HERC2: variants seen among roughly 807,000 people sequenced by gnomAD.
HERC2 encodes E3 ubiquitin-protein ligase HERC2.
Under a neutral mutation model 537.7 loss-of-function variants are expected in HERC2, and 102 were observed. The ratio of observed to expected loss-of-function variants is 0.19; its 90% CI spans 0.16 to 0.22. The LOEUF is 0.22. Ranked by LOEUF, HERC2 falls within the 10% of genes least tolerant of loss-of-function variation. The probability of loss-of-function intolerance (pLI) is 1.00; values close to 1 mark genes in which losing one functional copy is unlikely to be tolerated. For missense variants in HERC2, 4,236 were observed against 6,198.2 expected, an observed-to-expected ratio of 0.68 and a Z score of 10.63; for synonymous variants, 2,224 against 2,466.2, an observed-to-expected ratio of 0.90 and a Z score of 2.91.
Position 28,268,541 on chromosome 15 carries a change from G to A in HERC2, c.1522C>T (p.Leu508=). Residue 508 remains leucine, a synonymous_variant, in exon 12 of 93, where the codon CTA becomes TTA. Coordinates refer to ENST00000261609, the MANE Select transcript of HERC2 (RefSeq NM_004667.6). This position sits in a 1 kb window ranked among gnomAD's most constrained non-coding sequence, Gnocchi z 4.7. ...IAAHSDGHHY[L]ALAATGEVYS... Reference sequence around the variant, plus strand: ...ACCTCTCCAGTAGCAGCCAAGGCTAGGTAGTGGTGACCATCAGAATGGGCA... The same window carrying A: ...ACCTCTCCAGTAGCAGCCAAGGCTAAGTAGTGGTGACCATCAGAATGGGCA... 2 of 1,614,140 alleles carry A rather than the reference G, an allele frequency of 1.2e-6. No individual in the cohort carries two copies. Among genetic ancestry groups the A allele is most frequent in the Non-Finnish European group, 1.7e-6 (2 of 1,179,946 alleles).
chr15:28,196,161 A>C, intron 52 of HERC2, 54 bp downstream of exon 52: 1 of 1,344,704 alleles, frequency 7.4e-7, no homozygotes, highest in Non-Finnish European at 1.0e-6. Flanking sequence ...GTGGTCCACA[A>C]TAAGTATTTC....
chr15:28,134,097 T>G (rs1405384608), intron 79 of HERC2, among the ~76,000 whole-genome samples: 1 of 152,230 alleles, frequency 6.6e-6, no homozygotes, highest in Admixed American at 6.5e-5. Context: ...TTCTGCTCCA[T>G]GAACACAGCA....
intron 70 of HERC2, among the ~76,000 whole-genome samples, chr15:28,150,712 C>T (rs751024497): frequency 4.6e-5 from 7 of 151,026 alleles, no homozygotes; most frequent in South Asian, 2.1e-4. Flanking sequence ...AAAAAACACA[C>T]GCGGCTTCTA....
chr15:28,223,771 A>G (rs1398445040), intron 35 of HERC2, among the ~76,000 whole-genome samples: 1 of 152,168 alleles, frequency 6.6e-6, no homozygotes, highest in African/African-American at 2.4e-5. Context: ...CAAGAAGGAT[A>G]CCCTGATCAG....
chr15:28,113,825 T>C lies in HERC2; in HGVS notation c.13914-147A>G. ...CAGCTCCAGATGGCATGAGCATGCT[T>C]AGCAGCTCGGCACTGCAGAGCTTCT... On this transcript the variant is annotated intron_variant, in intron 90 of 92. Transcript: ENST00000261609. This position sits in a 1 kb window ranked among gnomAD's most constrained non-coding sequence, Gnocchi z 7.0. 1.5e-6 allele frequency: 1 copy of C among 671,864 alleles called. No homozygotes were observed. Among genetic ancestry groups the C allele is most frequent in the Non-Finnish European group, 2.7e-6 (1 of 374,668 alleles). 41.6% of individuals were successfully genotyped at this position (671,864 alleles called of 1,614,324 possible).
chr15:28,182,279 G>A, intron 57 of HERC2, 122 bp downstream of exon 57: 2 of 579,142 alleles, frequency 3.5e-6, no homozygotes, highest in Non-Finnish European at 3.0e-6. Flanking sequence ...ATTTGATAAT[G>A]TCTTTTAGTT....
chr15:28,152,113 G>A (rs1202875135), intron 70 of HERC2, among the ~76,000 whole-genome samples: 3 of 152,166 alleles, frequency 2.0e-5, no homozygotes, highest in African/African-American at 7.2e-5. Context: ...CAAAAGGGGC[G>A]GAACTTATGG....
intron 78 of HERC2, among the ~76,000 whole-genome samples, chr15:28,138,788 TG>T (rs1890904697): frequency 6.6e-6 from 1 of 152,252 alleles, no homozygotes; most frequent in South Asian, 2.1e-4. Context: ...AGGCTATAGC[TG>T]CCATAGACAG....
In HERC2 at chr15:28,321,440, TC is replaced by T; in HGVS notation, c.-8del. 9.9e-7 allele frequency: 1 copy of T among 1,014,000 alleles called. No individual in the cohort carries two copies. The highest frequency in any genetic ancestry group is 1.5e-6 in the Non-Finnish European group (1 of 656,278). 62.8% of individuals were successfully genotyped at this position (1,014,000 alleles called of 1,614,324 possible). On this transcript the variant is annotated 5_prime_UTR_variant, in exon 2 of 93. Transcript: ENST00000261609. ...AGAAAGATTCAGAGGGCATCTTTTC[TC>T]CAGCTTCCTCCCAGGTCTCAGGCCT...
At position 28,167,672 on chromosome 15, in the gene HERC2, A is replaced by C. The variant is rs1449050810; in HGVS notation, c.10554+15T>G. The C allele has an allele frequency of 2.5e-6, 4 of 1,613,724 alleles. No homozygotes were observed. The highest frequency in any genetic ancestry group is 3.4e-6 in the Non-Finnish European group (4 of 1,179,822). On this transcript the variant is annotated intron_variant, in intron 68 of 92. Transcript: ENST00000261609. ...TTATTTCACAATACAAAGTTAAAGA[A>C]GAACGCCTCTTCACCTCTTTGGTTT... is the stretch of plus-strand genomic sequence containing the variant.
intron 4 of HERC2, among the ~76,000 whole-genome samples, chr15:28,291,691 T>C (rs777468237): frequency 3.2e-4 from 48 of 151,826 alleles, no homozygotes; most frequent in Admixed American, 5.3e-4. Context: ...GAAGAGATTA[T>C]GAAAGTCCAT....
At chr15:28,215,241 C>T (rs1899768189) in intron 39 of HERC2, among the ~76,000 whole-genome samples, 1 of 152,146 alleles carries the variant, frequency 6.6e-6, no homozygotes, top group African/African-American at 2.4e-5. Flanking sequence ...CATTATTTTA[C>T]AGCCAGGTAA....
Position 28,114,671 on chromosome 15 carries a change from C to T in HERC2, c.13854G>A (p.Lys4618=). 6 of 1,614,124 alleles carry T rather than the reference C, an allele frequency of 3.7e-6. No individual in the cohort carries two copies. Among genetic ancestry groups the T allele is most frequent in the Non-Finnish European group, 5.1e-6 (6 of 1,180,032 alleles). The change falls in exon 90 of 93, where the codon AAG becomes AAA. Residue 4618 remains lysine, a synonymous_variant. Transcript: ENST00000261609. ...GGTTGTCCAGGGTGATGTGTGTGTG[C>T]TTGGAGCTCAACTGAATGTCCTGGC... The part of the protein sequence containing the change: ...ASGQDIQLSS[K]HTHITLDNRA...
In HERC2 at chr15:28,178,968, T is replaced by C; in HGVS notation, c.9082A>G (p.Ile3028Val). Residue 3028 changes from isoleucine (I) to valine (V), a missense_variant, in exon 59 of 93, where the codon ATT becomes GTT. By Grantham distance (29) the Ile-to-Val change is conservative (BLOSUM62 3). Around this residue, in one of 27 missense-constraint regions of HERC2, gnomAD observed 606 missense variants for 884.5 expected, o/e 0.69. Coordinates refer to ENST00000261609, the MANE Select transcript of HERC2 (RefSeq NM_004667.6). ...GGGATGGGCACCGTCCCGCTGGAAA[T>C]GCCCAGCCCCAGCCGGCCATTCGTG... ...EATNGRLGLG[I>V]SSGTVPIPRQ... 2 of 1,614,222 alleles carry C rather than the reference T, an allele frequency of 1.2e-6. No homozygotes were observed. Among genetic ancestry groups the C allele is most frequent in the Non-Finnish European group, 1.7e-6 (2 of 1,180,034 alleles).
rs1043323538 is a variant in HERC2 at position 28,111,080 on chromosome 15, G to A, written c.*683C>T. 2.0e-5 allele frequency: 3 copies of A among 152,122 alleles called. No homozygotes were observed. 9.4% of individuals were successfully genotyped at this position (152,122 alleles called of 1,614,324 possible). A position where few individuals can be genotyped will look rare whatever the true frequency, so the allele number is the denominator to read the frequency against. On this transcript the variant is annotated 3_prime_UTR_variant, in exon 93 of 93. Transcript: ENST00000261609. Reference sequence around the variant, plus strand: ...TTTATTTATAGATAATTAAAATTTAGGCATATACATGACACAAACATTATA... The same window carrying A: ...TTTATTTATAGATAATTAAAATTTAAGCATATACATGACACAAACATTATA...
intron 4 of HERC2, among the ~76,000 whole-genome samples, chr15:28,292,370 G>C (rs1399247644): frequency 6.6e-6 from 1 of 152,006 alleles, no homozygotes; most frequent in Non-Finnish European, 1.5e-5. Flanking sequence ...AAAACAATGA[G>C]ATGCTGTACC....
chr15:28,251,999 T>C (rs2075099563), intron 20 of HERC2, among the ~76,000 whole-genome samples: 1 of 152,168 alleles, frequency 6.6e-6, no homozygotes, highest in African/African-American at 2.4e-5. Flanking sequence ...GCATTGAAAA[T>C]ATCTGATCTG....
At chr15:28,321,313 T>C in intron 2 of HERC2, 49 bp downstream of exon 2, 1 of 689,398 alleles carries the variant, frequency 1.5e-6, no homozygotes, top group East Asian at 2.5e-5. Flanking sequence ...ACGAGAAATT[T>C]AAACATGGAA....
At chr15:28,279,691 T>C (rs891537086) in intron 5 of HERC2, among the ~76,000 whole-genome samples, 1 of 151,770 alleles carries the variant, frequency 6.6e-6, no homozygotes, top group Admixed American at 6.6e-5. Context: ...CATGTGCCTG[T>C]AGTCCCAGCT....
Sources: allele counts gnomAD v4.1 joint callset (sites outside exome capture counted in the v4.1 genomes callset), GRCh38; gene constraint gnomAD v4.1.1; regional missense constraint gnomAD v4.1.1; non-coding constraint Gnocchi (gnomAD v3.1); transcripts MANE v1.5; gene names NCBI Gene and HGNC (gene_info 2026-07-23, HGNC 2026-07-21).